The following ANTXR1 variants were observed in gnomAD, a reference collection of about 807,000 sequenced individuals.
The protein encoded by ANTXR1 is ANTXR cell adhesion molecule 1.
In ANTXR1, 19 loss-of-function variants were observed where a neutral mutation model predicts 78.1. That is an observed-to-expected ratio of 0.24 (90% CI 0.17 to 0.36). The LOEUF (loss-of-function observed/expected upper bound fraction) is 0.36, where lower values mean the gene tolerates loss of function less well. ANTXR1 is among the 10% of genes least tolerant of loss of function. ANTXR1 has a pLI of 1.00. For synonymous variants in ANTXR1, 273 were observed against 260.5 expected (o/e 1.05, Z -0.46); for missense variants, 518 against 718.6 (o/e 0.72, Z 3.19).
At chr2:69,093,635 A>C (rs1671308890) in intron 9 of ANTXR1, among the ~76,000 whole-genome samples, 1 of 152,228 alleles carries the variant, frequency 6.6e-6, no homozygotes, top group African/African-American at 2.4e-5. Flanking sequence ...AATACAAGAA[A>C]CAAATACACA....
intron 9 of ANTXR1, among the ~76,000 whole-genome samples, chr2:69,097,890 TAATA>T (rs1335857418): frequency 6.6e-6 from 1 of 152,196 alleles, no homozygotes; most frequent in Non-Finnish European, 1.5e-5. Flanking sequence ...ATGCACTAAT[TAATA>T]CTCAGCAATA....
At chr2:69,201,330 G>T (rs1311408072) in intron 17 of ANTXR1, among the ~76,000 whole-genome samples, 1 of 152,164 alleles carries the variant, frequency 6.6e-6, no homozygotes, top group Non-Finnish European at 1.5e-5. Context: ...AGATCTGCAG[G>T]TGAGACTGTG....
chr2:69,076,533 T>C (rs912483229), intron 7 of ANTXR1, among the ~76,000 whole-genome samples: 2 of 152,194 alleles, frequency 1.3e-5, no homozygotes, highest in Non-Finnish European at 2.9e-5. Context: ...ATTAAGTGAA[T>C]AAAACAAAAT....
At chr2:69,047,465 T>A (rs971654253) in intron 3 of ANTXR1, among the ~76,000 whole-genome samples, 1 of 152,224 alleles carries the variant, frequency 6.6e-6, no homozygotes, top group Non-Finnish European at 1.5e-5. Context: ...TTGTTATATA[T>A]GGAATGTGTC....
At chr2:69,239,848 GA>G (rs1206276236) in intron 17 of ANTXR1, among the ~76,000 whole-genome samples, 1 of 152,168 alleles carries the variant, frequency 6.6e-6, no homozygotes, top group African/African-American at 2.4e-5. Context: ...TGATCAACAA[GA>G]TCTTTCATCC....
chr2:69,088,566 T>C (rs1671127982), intron 8 of ANTXR1, among the ~76,000 whole-genome samples: 2 of 152,148 alleles, frequency 1.3e-5, no homozygotes, highest in South Asian at 4.2e-4. Context: ...CTTCCTCCCT[T>C]GGTCATGGCA....
At chr2:69,160,767 C>A (rs1673659756) in intron 13 of ANTXR1, among the ~76,000 whole-genome samples, 1 of 152,172 alleles carries the variant, frequency 6.6e-6, no homozygotes, top group Admixed American at 6.5e-5. Flanking sequence ...TTGCATGTGA[C>A]TCTTCAAATT....
At chr2:69,039,468 T>C (rs1669548654) in intron 1 of ANTXR1, among the ~76,000 whole-genome samples, 1 of 152,156 alleles carries the variant, frequency 6.6e-6, no homozygotes, top group Non-Finnish European at 1.5e-5. Flanking sequence ...ACGACTAAAT[T>C]AGATTTCCTT....
intron 1 of ANTXR1, among the ~76,000 whole-genome samples, chr2:69,028,342 A>G (rs996119845): frequency 6.6e-6 from 1 of 152,180 alleles, no homozygotes; most frequent in Non-Finnish European, 1.5e-5. Context: ...TATAAGTGGG[A>G]AGAAAACACA....
intron 16 of ANTXR1, among the ~76,000 whole-genome samples, chr2:69,188,878 GGTT>G (rs1312801009): frequency 6.6e-6 from 1 of 152,148 alleles, no homozygotes; most frequent in Non-Finnish European, 1.5e-5. Context: ...AGCCCCAAAG[GGTT>G]GTTATTAACG....
At chr2:69,165,650 G>A (rs1673806537) in intron 13 of ANTXR1, among the ~76,000 whole-genome samples, 1 of 152,260 alleles carries the variant, frequency 6.6e-6, no homozygotes, top group Admixed American at 6.5e-5. Flanking sequence ...CAGCATGTGG[G>A]CCTGACTCGC....
At chr2:69,184,648 A>G (rs1674375878) in intron 16 of ANTXR1, among the ~76,000 whole-genome samples, 1 of 152,214 alleles carries the variant, frequency 6.6e-6, no homozygotes, top group African/African-American at 2.4e-5. Context: ...ATAGTCCTCT[A>G]TTGACTGGCG....
Position 69,030,702 on chromosome 2 carries a change from T to C in ANTXR1, c.153-9342T>C, listed in dbSNP as rs1185185045. 2.6e-5 allele frequency among the ~76,000 whole-genome samples: 4 copies of C among 152,304 alleles called. No homozygotes were observed. In the East Asian group the frequency reaches 7.7e-4, roughly 29 times the overall value. The stretch of plus-strand genomic sequence containing the variant: ...ACCCTACAGAGAATAAACTTTCCTT[T>C]CAAATGCCCATGAAATATTTATTAG... On this transcript the variant is annotated intron_variant, in intron 1 of 17. Coordinates refer to ENST00000303714, the MANE Select transcript of ANTXR1 (RefSeq NM_032208.3).
At chr2:69,086,365 G>A (rs6546480) in intron 8 of ANTXR1, among the ~76,000 whole-genome samples, 137,608 of 152,272 alleles carry the variant, frequency 0.9, 62,198 homozygotes, top group East Asian at 0.98. Context: ...CTGGTCCACA[G>A]TGGATTTCAC....
rs774659301 is a variant in ANTXR1, at chr2:69,245,350, C to T, written c.1560C>T (p.His520=). Residue 520 remains histidine (H), a synonymous_variant, in exon 18 of 18, where the codon CAC becomes CAT. Coordinates refer to ENST00000303714, the MANE Select transcript of ANTXR1 (RefSeq NM_032208.3). ...PIYTPPPPAP[H]CPPPPPSAPT... is the part of the protein sequence containing the mutation. ...ACACTCCCCCACCTCCTGCGCCCCA[C>T]TGCCCTCCCCCGCCCCCCAGCGCCC... The T allele has an allele frequency of 6.8e-5, 104 of 1,538,162 alleles. No individual in the cohort carries two copies. Among genetic ancestry groups the T allele is most frequent in the Non-Finnish European group, 8.7e-5 (100 of 1,143,650 alleles).
chr2:69,099,906 C>T (rs1007808300), intron 9 of ANTXR1, among the ~76,000 whole-genome samples: 1 of 152,232 alleles, frequency 6.6e-6, no homozygotes, highest in African/African-American at 2.4e-5. Context: ...AAATAGAAAT[C>T]TTGGCCTCTG....
At chr2:69,092,968 T>C (rs1208504529) in intron 9 of ANTXR1, among the ~76,000 whole-genome samples, 1 of 152,248 alleles carries the variant, frequency 6.6e-6, no homozygotes, top group Non-Finnish European at 1.5e-5. Flanking sequence ...ATTGCTTTCA[T>C]AAAGAAAACC....
At chr2:69,055,233 C>T (rs994108947) in intron 3 of ANTXR1, among the ~76,000 whole-genome samples, 2 of 152,190 alleles carry the variant, frequency 1.3e-5, no homozygotes, top group African/African-American at 4.8e-5. Flanking sequence ...CCCAGCTCCC[C>T]TTGGCCCACA....
At chr2:69,168,984 G>A (rs1197238120) in intron 13 of ANTXR1, among the ~76,000 whole-genome samples, 1 of 152,246 alleles carries the variant, frequency 6.6e-6, no homozygotes. Flanking sequence ...GCAGTGGGAA[G>A]CCTGCCTCCT....
Sources: allele counts gnomAD v4.1 joint callset (sites outside exome capture counted in the v4.1 genomes callset), GRCh38; gene constraint gnomAD v4.1.1; transcripts MANE v1.5; gene names NCBI Gene and HGNC (gene_info 2026-07-23, HGNC 2026-07-21).